Variants in MECOM observed in about 807,000 individuals in gnomAD.
MECOM encodes the protein MDS1 and EVI1 complex locus.
Under a neutral mutation model 116.3 loss-of-function variants are expected in MECOM, and 13 were observed. The ratio of observed to expected loss-of-function variants is 0.11; its 90% CI spans 0.07 to 0.18. The LOEUF is 0.18. Ranked by LOEUF, MECOM falls within the 10% of genes least tolerant of loss-of-function variation. MECOM has a pLI of 1.00. For missense variants in MECOM, 1,299 were observed against 1,509.0 expected, an observed-to-expected ratio of 0.86 and a Z score of 2.31; for synonymous variants, 528 against 535.2, an observed-to-expected ratio of 0.99 and a Z score of 0.19.
chr3:169,405,084 A>G (rs1298036370), intron 1 of MECOM, among the ~76,000 whole-genome samples: 1 of 152,228 alleles, frequency 6.6e-6, no homozygotes, highest in Non-Finnish European at 1.5e-5. Flanking sequence ...GGGGAAGATA[A>G]CAGTTTATGA....
intron 1 of MECOM, among the ~76,000 whole-genome samples, chr3:169,479,508 G>C (rs1275402215): frequency 1.3e-5 from 2 of 151,982 alleles, no homozygotes; most frequent in African/African-American, 2.4e-5. Flanking sequence ...GGCTTTGAAG[G>C]CTCTTCTAAA....
chr3:169,215,824 C>T (rs1451960887), intron 2 of MECOM, among the ~76,000 whole-genome samples: 2 of 152,168 alleles, frequency 1.3e-5, no homozygotes, highest in African/African-American at 2.4e-5. Context: ...AAACTAGGGT[C>T]GTGCATATGG....
At chr3:169,627,353 C>T (rs1472620857) in intron 1 of MECOM, among the ~76,000 whole-genome samples, 1 of 152,210 alleles carries the variant, frequency 6.6e-6, no homozygotes, top group African/African-American at 2.4e-5. Flanking sequence ...TTATACTTCT[C>T]GCTATTCACA....
At chr3:169,449,855 AG>A (rs1417443094) in intron 1 of MECOM, among the ~76,000 whole-genome samples, 1 of 152,210 alleles carries the variant, frequency 6.6e-6, no homozygotes, top group Non-Finnish European at 1.5e-5. Context: ...AGAATTACAA[AG>A]CAGGTGTAAA....
At chr3:169,399,217 A>G (rs9290366) in intron 1 of MECOM, among the ~76,000 whole-genome samples, 86,792 of 151,944 alleles carry the variant, frequency 0.57, 25,220 homozygotes, top group East Asian at 0.9. Flanking sequence ...TTCAAATTGA[A>G]CCAACTTTTA....
At chr3:169,639,896 A>C (rs1481077305) in intron 1 of MECOM, among the ~76,000 whole-genome samples, 1 of 152,208 alleles carries the variant, frequency 6.6e-6, no homozygotes, top group Non-Finnish European at 1.5e-5. Flanking sequence ...TGAGTTATGA[A>C]AAGTTTATTT....
At chr3:169,526,366 G>A (rs1452661812) in intron 1 of MECOM, among the ~76,000 whole-genome samples, 1 of 152,128 alleles carries the variant, frequency 6.6e-6, no homozygotes, top group East Asian at 1.9e-4. Context: ...GGTGGGAGGA[G>A]TTTGACATTT....
intron 1 of MECOM, among the ~76,000 whole-genome samples, chr3:169,393,146 C>A (rs1734495262): frequency 6.6e-6 from 1 of 152,124 alleles, no homozygotes; most frequent in African/African-American, 2.4e-5. Context: ...CACCAGCCTA[C>A]AAATGATCCA....
chr3:169,559,185 T>C (rs1436668348), intron 1 of MECOM, among the ~76,000 whole-genome samples: 2 of 152,188 alleles, frequency 1.3e-5, no homozygotes, highest in South Asian at 2.1e-4. Context: ...AGGTACACTT[T>C]GCATAGAAAT....
rs537499129 is a variant in MECOM at position 169,382,859 on chromosome 3, A to T, written c.38-1335T>A. On this transcript the variant is annotated intron_variant, in intron 1 of 16. Transcript: ENST00000651503. ...ACTGAAAGCCCATCTCAAAAAAAAAAAAAAATAAAAAAAATAAAAAAAGAA... is the reference window on the plus strand; with the variant it reads ...ACTGAAAGCCCATCTCAAAAAAAAATAAAAATAAAAAAAATAAAAAAAGAA... 8.7e-4 allele frequency among the ~76,000 whole-genome samples: 96 copies of T among 110,810 alleles called. 4 individuals are homozygous for T. Among genetic ancestry groups the T allele is most frequent in the South Asian group, 4.8e-3 (17 of 3,518 alleles). The allele number at this position is 110,810 out of a possible 152,430, so 72.7% of individuals were successfully genotyped here. A position where few individuals can be genotyped will look rare whatever the true frequency, so the allele number is the denominator to read the frequency against.
chr3:169,100,983 TA>T, intron 11 of MECOM, 21 bp from the exon 12 acceptor site: 1 of 1,586,008 alleles, frequency 6.3e-7, no homozygotes, highest in African/African-American at 1.3e-5. Context: ...AAGATGTTTA[TA>T]AGAGAAAGTC....
At chr3:169,388,225 C>T (rs1000143905) in intron 1 of MECOM, among the ~76,000 whole-genome samples, 1 of 152,140 alleles carries the variant, frequency 6.6e-6, no homozygotes, top group African/African-American at 2.4e-5. Context: ...GGGAAGACAT[C>T]AATTTCCTTA....
chr3:169,219,370 G>A (rs1222100293), intron 2 of MECOM, among the ~76,000 whole-genome samples: 1 of 152,172 alleles, frequency 6.6e-6, no homozygotes, highest in Non-Finnish European at 1.5e-5. Flanking sequence ...AGCCAGGCGT[G>A]GTGGTGGGCG....
intron 2 of MECOM, among the ~76,000 whole-genome samples, chr3:169,344,557 C>T (rs1223902750): frequency 6.6e-6 from 1 of 152,076 alleles, no homozygotes. Context: ...AGCAAATGAC[C>T]TTGAGCCTCT....
intron 3 of MECOM, among the ~76,000 whole-genome samples, chr3:169,137,205 G>A (rs545551715): frequency 6.6e-6 from 1 of 152,168 alleles, no homozygotes; most frequent in South Asian, 2.1e-4. Context: ...GAGGAGGTAG[G>A]TAGCCGTTTG....
chr3:169,308,952 C>T (rs1251973339), intron 2 of MECOM, among the ~76,000 whole-genome samples: 2 of 152,140 alleles, frequency 1.3e-5, no homozygotes, highest in South Asian at 2.1e-4. Flanking sequence ...GAAATTATGA[C>T]ATTCCACCAC....
At chr3:169,623,860 C>G (rs1771045338) in intron 1 of MECOM, 1 of 151,954 alleles carries the variant, frequency 6.6e-6, no homozygotes, top group African/African-American at 2.4e-5. Context: ...TCTGATCTTT[C>G]CTTTAGTGTA....
chr3:169,381,595 CTTA>C lies in MECOM; in HGVS notation c.38-74_38-72del. 12 of 1,154,444 alleles carry C rather than the reference CTTA, an allele frequency of 1.0e-5. No individual in the cohort carries two copies. In the South Asian group the frequency reaches 2.0e-4, roughly 19 times the overall value. 71.5% of individuals were successfully genotyped at this position (1,154,444 alleles called of 1,614,324 possible). ...GACAAAATTCCACAGGGGTAGCCAC[CTTA>C]TTATGTTGTTCTTTGAAGGATAAAC... On this transcript the variant is annotated intron_variant, in intron 1 of 16. Coordinates refer to ENST00000651503, the MANE Select transcript of MECOM (RefSeq NM_004991.4).
chr3:169,354,692 A>C lies in MECOM; in HGVS notation c.375+26495T>G, dbSNP rs542955111. ...GCTGAGGACAGGTAAAATGCAAGGA[A>C]TGTTGCTAGAACCTCAGGATGCCGA... On this transcript the variant is annotated intron_variant, in intron 2 of 16. Coordinates refer to ENST00000651503, the MANE Select transcript of MECOM (RefSeq NM_004991.4). 3.3e-5 allele frequency among the ~76,000 whole-genome samples: 5 copies of C among 152,078 alleles called. No individual in the cohort carries two copies. In the South Asian group the frequency reaches 1.0e-3, roughly 31 times the overall value.
Sources: gnomAD v4.1 joint callset for allele counts (sites outside exome capture counted in the v4.1 genomes callset) on GRCh38, gnomAD v4.1.1 for gene constraint, MANE v1.5 for transcripts, NCBI Gene and HGNC (gene_info 2026-07-23, HGNC 2026-07-21) for gene names.